Variants in MACROD2 observed in about 807,000 individuals in gnomAD.
MACROD2 encodes the protein mono-ADP ribosylhydrolase 2, also known as ADP-ribose glycohydrolase MACROD2.
In MACROD2, 36 loss-of-function variants were observed where a neutral mutation model predicts 70.4. The observed-to-expected ratio is 0.51, with a 90% confidence interval of 0.39 to 0.68. The LOEUF (loss-of-function observed/expected upper bound fraction) is 0.68, where lower values mean the gene tolerates loss of function less well. Among genes scored for constraint, MACROD2 ranks in the 30% least tolerant of loss-of-function variants. The pLI, the probability that MACROD2 is intolerant of heterozygous loss-of-function variation, is 0.00. For missense variants in MACROD2, 496 were observed against 538.4 expected, an observed-to-expected ratio of 0.92 and a Z score of 0.78; for synonymous variants, 172 against 178.8, an observed-to-expected ratio of 0.96 and a Z score of 0.30.
chr20:15,398,060 C>T (rs780676745), intron 6 of MACROD2, among the ~76,000 whole-genome samples: 20 of 152,008 alleles, frequency 1.3e-4, no homozygotes, highest in Non-Finnish European at 2.4e-4. Flanking sequence ...ATTCTCAAAG[C>T]AACAAGAAGG....
At position 14,941,315 on chromosome 20, in the gene MACROD2, T is replaced by C. The variant is rs143110282; in HGVS notation, c.418+256356T>C. ...TTTCCTGGGGAGGGGTTGGTAGTCC[T>C]GCCTCACCTCTTTTTCTCTGGCTGC... On this transcript the variant is annotated intron_variant, in intron 5 of 17. Coordinates refer to ENST00000684519, the MANE Select transcript of MACROD2 (RefSeq NM_001351661.2). 1.9e-3 allele frequency among the ~76,000 whole-genome samples: 283 copies of C among 152,232 alleles called. 1 individual carries two copies. The highest frequency in any genetic ancestry group is 3.2e-3 in the Non-Finnish European group (216 of 68,012).
At position 14,528,401 on chromosome 20, in the gene MACROD2, G is replaced by A. The variant is rs146380842; in HGVS notation, c.301+34893G>A. Among the ~76,000 whole-genome samples, 923 of 147,220 alleles carry A rather than the reference G, an allele frequency of 6.3e-3. 17 individuals carry two copies. Among genetic ancestry groups the A allele is most frequent in the African/African-American group, 0.022 (864 of 39,978 alleles). The stretch of plus-strand genomic sequence containing the variant: ...ACTCCAGACCTCTGGTGATCCACCC[G>A]CCTCGGCCTCCCAAAGTGCTGGGAT... On this transcript the variant is annotated intron_variant, in intron 4 of 17. Coordinates refer to ENST00000684519, the MANE Select transcript of MACROD2 (RefSeq NM_001351661.2).
intron 3 of MACROD2, among the ~76,000 whole-genome samples, chr20:14,174,915 G>A (rs937994690): frequency 6.6e-6 from 1 of 152,134 alleles, no homozygotes; most frequent in Non-Finnish European, 1.5e-5. Flanking sequence ...TCAGCTCCAG[G>A]TAAGGTCAAA....
intron 4 of MACROD2, among the ~76,000 whole-genome samples, chr20:14,555,742 T>C (rs964106658): frequency 6.6e-6 from 1 of 152,026 alleles, no homozygotes; most frequent in Non-Finnish European, 1.5e-5. Context: ...GTTAGGTACA[T>C]GGGGGACGTT....
At chr20:15,201,702 C>G (rs1035495870) in intron 5 of MACROD2, among the ~76,000 whole-genome samples, 1 of 152,130 alleles carries the variant, frequency 6.6e-6, no homozygotes, top group African/African-American at 2.4e-5. Context: ...TTCCCCTTAC[C>G]TAAGCACTTC....
intron 10 of MACROD2, among the ~76,000 whole-genome samples, chr20:15,925,996 A>G (rs2065484106): frequency 6.6e-6 from 1 of 152,174 alleles, no homozygotes; most frequent in East Asian, 1.9e-4. Context: ...ACTGCCCAGC[A>G]TTTCCCCAAA....
At chr20:15,383,315 G>A (rs962453372) in intron 6 of MACROD2, among the ~76,000 whole-genome samples, 4 of 152,178 alleles carry the variant, frequency 2.6e-5, no homozygotes, top group African/African-American at 9.7e-5. Flanking sequence ...TGTCTAAGAT[G>A]CATTGAGTAC....
intron 12 of MACROD2, among the ~76,000 whole-genome samples, chr20:15,963,469 A>G (rs973648608): frequency 3.9e-5 from 6 of 152,158 alleles, no homozygotes; most frequent in African/African-American, 1.4e-4. Context: ...TTGGTGCAAC[A>G]TGGTTTTTTG....
chr20:14,045,073 C>T (rs2053450044), intron 2 of MACROD2, among the ~76,000 whole-genome samples: 1 of 152,212 alleles, frequency 6.6e-6, no homozygotes, highest in Non-Finnish European at 1.5e-5. Context: ...GCTTGCCGCT[C>T]CGAGTGCGGG....
chr20:14,726,836 C>T (rs1160022964), intron 5 of MACROD2, among the ~76,000 whole-genome samples: 1 of 152,150 alleles, frequency 6.6e-6, no homozygotes, highest in Non-Finnish European at 1.5e-5. Flanking sequence ...AGGCTGTGAT[C>T]TTATCCCTGA....
intron 15 of MACROD2, among the ~76,000 whole-genome samples, chr20:16,000,207 G>A (rs2066690839): frequency 1.3e-5 from 2 of 152,138 alleles, no homozygotes; most frequent in African/African-American, 4.8e-5. Context: ...TACCCTGAAT[G>A]TGAACTCCCT....
intron 5 of MACROD2, among the ~76,000 whole-genome samples, chr20:15,033,652 T>C (rs189511063): frequency 2.3e-4 from 35 of 152,348 alleles, no homozygotes; most frequent in African/African-American, 7.5e-4. Context: ...AAGCTAAGCG[T>C]GCATCCACTA....
chr20:15,313,129 A>T (rs1419997535), intron 6 of MACROD2, among the ~76,000 whole-genome samples: 1 of 152,168 alleles, frequency 6.6e-6, no homozygotes, highest in Non-Finnish European at 1.5e-5. Flanking sequence ...TTTTCTCCTT[A>T]ATATATCAGT....
intron 5 of MACROD2, among the ~76,000 whole-genome samples, chr20:15,051,923 T>C (rs1735545554): frequency 1.3e-5 from 2 of 152,100 alleles, no homozygotes; most frequent in South Asian, 4.1e-4. Context: ...AGCTAATTTT[T>C]TGTGTTTTTA....
chr20:15,166,956 TATTTAAGTATTAA>T (rs1241656086), intron 5 of MACROD2, among the ~76,000 whole-genome samples: 2 of 150,332 alleles, frequency 1.3e-5, no homozygotes, highest in Non-Finnish European at 3.0e-5. Flanking sequence ...AGTATTAAAT[TATTTAAGTATTAA>T]ATTTAAGTAT....
chr20:15,228,071 GAAACTAAAGTACAATATTCATAT>G (rs2076926125), intron 5 of MACROD2, among the ~76,000 whole-genome samples: 2 of 151,854 alleles, frequency 1.3e-5, no homozygotes, highest in South Asian at 4.1e-4. Context: ...ATTTATTAAA[GAAACTAAAGTACAATATTCATAT>G]AAATATTTAC....
In MACROD2 at chr20:14,615,640, G is replaced by A. The variant is rs534160407; in HGVS notation, c.302-69203G>A. ...CCATGGGTCTAGAAGCTCAGGCTAA[G>A]CAGCTTAGGCATAATTTGGTTGACT... On this transcript the variant is annotated intron_variant, in intron 4 of 17. Transcript: ENST00000684519. Among the ~76,000 whole-genome samples the A allele has an allele frequency of 6.6e-5, 10 of 152,220 alleles. No homozygotes were observed. In the East Asian group the frequency reaches 1.4e-3, roughly 21 times the overall value.
At chr20:14,066,984 T>A (rs2053768287) in intron 2 of MACROD2, among the ~76,000 whole-genome samples, 2 of 148,582 alleles carry the variant, frequency 1.3e-5, no homozygotes, top group Non-Finnish European at 3.0e-5. Flanking sequence ...GCTAAGTTGT[T>A]GTATTTGTAG....
chr20:14,929,031 A>C (rs1420650145), intron 5 of MACROD2, among the ~76,000 whole-genome samples: 6 of 152,212 alleles, frequency 3.9e-5, no homozygotes, highest in Non-Finnish European at 8.8e-5. Flanking sequence ...CCTTAAAATG[A>C]GAGAAACTAA....
Sources: gnomAD v4.1 joint callset for allele counts (sites outside exome capture counted in the v4.1 genomes callset) on GRCh38, gnomAD v4.1.1 for gene constraint, MANE v1.5 for transcripts, NCBI Gene and HGNC (gene_info 2026-07-23, HGNC 2026-07-21) for gene names.